NRDE2: variants seen among roughly 807,000 people sequenced by gnomAD.
NRDE2 encodes nuclear exosome regulator NRDE2.
NRDE2 carries 76 observed loss-of-function variants against 124.2 expected under a neutral mutation model. That is an observed-to-expected ratio of 0.61 (90% confidence interval 0.51 to 0.74). The LOEUF (loss-of-function observed/expected upper bound fraction) is 0.74, where lower values mean the gene tolerates loss of function less well. NRDE2 is among the 30% of genes least tolerant of loss of function. NRDE2 has a pLI of 0.00. For missense variants in NRDE2, 1,314 were observed against 1,417.3 expected (o/e 0.93, Z 1.17); for synonymous variants, 489 against 528.1 (o/e 0.93, Z 1.01).
At chr14:90,304,529 G>A in intron 4 of NRDE2, 147 bp from the exon 5 acceptor site, 1 of 597,936 alleles carries the variant, frequency 1.7e-6, no homozygotes, top group Non-Finnish European at 2.9e-6. Context: ...TCTATTTGGA[G>A]ATACACAAGG....
chr14:90,269,140 T>TA lies in NRDE2; in HGVS notation c.*9195_*9196insT, dbSNP rs1332733786. Reference sequence around the variant, plus strand: ...CTGTATAAGGCTCTGCCTCATGCCTTTAGCCCTTTCCAAAAGGCCTCATCT... The same window carrying TA: ...CTGTATAAGGCTCTGCCTCATGCCTTATAGCCCTTTCCAAAAGGCCTCATCT... On this transcript the variant is annotated 3_prime_UTR_variant, in exon 14 of 14. Transcript: ENST00000354366. The TA allele has an allele frequency of 1.7e-4, 74 of 447,402 alleles. No homozygotes were observed. In the East Asian group the frequency reaches 2.9e-3, roughly 18 times the overall value. 27.7% of individuals were successfully genotyped at this position (447,402 alleles called of 1,614,324 possible). A position where few individuals can be genotyped will look rare whatever the true frequency, so the allele number is the denominator to read the frequency against.
At chr14:90,328,562 A>G (rs1885544084) in intron 1 of NRDE2, among the ~76,000 whole-genome samples, 1 of 152,204 alleles carries the variant, frequency 6.6e-6, no homozygotes, top group African/African-American at 2.4e-5. Flanking sequence ...GGTTGCAAAC[A>G]CATGAATCCA....
At position 90,274,964 on chromosome 14, in the gene NRDE2, C is replaced by T. The variant is rs1052762413; in HGVS notation, c.*3372G>A. 3.9e-5 allele frequency: 6 copies of T among 152,108 alleles called. No homozygotes were observed. The highest frequency in any genetic ancestry group is 1.4e-4 in the African/African-American group (6 of 41,386). The allele number at this position is 152,108 out of a possible 1,614,324, so 9.4% of individuals were successfully genotyped here. On this transcript the variant is annotated 3_prime_UTR_variant, in exon 14 of 14. Coordinates refer to ENST00000354366, the MANE Select transcript of NRDE2 (RefSeq NM_017970.4). ...CACACTGGAGATGCCCAGCAGACACCGTCTTCACCAAGTGGTCAAATGCAC... is the reference window on the plus strand; with the variant it reads ...CACACTGGAGATGCCCAGCAGACACTGTCTTCACCAAGTGGTCAAATGCAC...
rs1455856098 is a variant in NRDE2 at position 90,270,484 on chromosome 14, C to A, written c.*7852G>T. On this transcript the variant is annotated 3_prime_UTR_variant, in exon 14 of 14. Coordinates refer to ENST00000354366, the MANE Select transcript of NRDE2 (RefSeq NM_017970.4). The stretch of plus-strand genomic sequence containing the variant: ...GTATTTTAATCATCATATTGGTTTA[C>A]GATTACATCCAAATGGTATATGTGC... The A allele has an allele frequency of 1.0e-6, 1 of 992,250 alleles. No individual in the cohort carries two copies. Among genetic ancestry groups the A allele is most frequent in the South Asian group, 2.0e-5 (1 of 50,950 alleles). 61.5% of individuals were successfully genotyped at this position (992,250 alleles called of 1,614,324 possible).
Position 90,302,809 on chromosome 14 carries a change from TAA to T in NRDE2, c.1320_1321del (p.Tyr441TrpfsTer11), listed in dbSNP as rs1566692374. 6.2e-7 allele frequency: 1 copy of T among 1,614,038 alleles called. No homozygotes were observed. Among genetic ancestry groups the T allele is most frequent in the Non-Finnish European group, 8.5e-7 (1 of 1,180,040 alleles). On this transcript the variant is annotated frameshift_variant, in exon 6 of 14. Transcript: ENST00000354366. LOFTEE classifies it high-confidence loss of function. ...AGACAAAGTGCTCAAGCATTTTCCA[TAA>T]AGACTGTGAATTTTTGATATCGAAA... is the stretch of plus-strand genomic sequence containing the variant.
intron 4 of NRDE2, among the ~76,000 whole-genome samples, chr14:90,307,360 C>T (rs532499357): frequency 1.3e-5 from 2 of 152,286 alleles, no homozygotes; most frequent in South Asian, 2.1e-4. Flanking sequence ...AATAATTATA[C>T]AGGACCTAGG....
intron 11 of NRDE2, 107 bp from the exon 12 acceptor site, chr14:90,286,599 C>A: frequency 7.2e-7 from 1 of 1,396,870 alleles, no homozygotes. Context: ...CCAGATCAGA[C>A]AGACTCAGGG....
intron 4 of NRDE2, among the ~76,000 whole-genome samples, chr14:90,306,669 G>A (rs1315641581): frequency 6.6e-6 from 1 of 152,126 alleles, no homozygotes; most frequent in East Asian, 1.9e-4. Flanking sequence ...AATTAGCTGG[G>A]CGTGGTGGCA....
chr14:90,274,407 CAG>C lies in NRDE2; in HGVS notation c.*3927_*3928del, dbSNP rs1365530208. 2 of 153,884 alleles carry C rather than the reference CAG, an allele frequency of 1.3e-5. No individual in the cohort carries two copies. Among genetic ancestry groups the C allele is most frequent in the Non-Finnish European group, 2.9e-5 (2 of 68,184 alleles). 9.5% of individuals were successfully genotyped at this position (153,884 alleles called of 1,614,324 possible). On this transcript the variant is annotated 3_prime_UTR_variant, in exon 14 of 14. Coordinates refer to ENST00000354366, the MANE Select transcript of NRDE2 (RefSeq NM_017970.4). Reference sequence around the variant, plus strand: ...GAGGCAGTCAGGCAGGTAAACAGGACAGTGGGAGCCAGGTTTCTCTGAGGAGT... The same window carrying C: ...GAGGCAGTCAGGCAGGTAAACAGGACTGGGAGCCAGGTTTCTCTGAGGAGT...
rs1891675395 is a variant in NRDE2 at position 90,271,879 on chromosome 14, T to C, written c.*6457A>G. 2 of 150,298 alleles carry C rather than the reference T, an allele frequency of 1.3e-5. 1 individual carries two copies. Among genetic ancestry groups the C allele is most frequent in the Admixed American group, 1.4e-4 (2 of 14,196 alleles). The allele number at this position is 150,298 out of a possible 1,614,324, so 9.3% of individuals were successfully genotyped here. A position where few individuals can be genotyped will look rare whatever the true frequency, so the allele number is the denominator to read the frequency against. On this transcript the variant is annotated 3_prime_UTR_variant, in exon 14 of 14. Transcript: ENST00000354366. ...TGTTTAGTCTAGGTGTCTCATGCTT[T>C]ATTTCAGAACAGATTTTTTTTTTTT...
intron 10 of NRDE2, among the ~76,000 whole-genome samples, chr14:90,289,870 G>A (rs1053179669): frequency 2.0e-5 from 3 of 152,242 alleles, no homozygotes; most frequent in Admixed American, 2.0e-4. Context: ...TTACAGGCGT[G>A]AGCCACCGCG....
intron 8 of NRDE2, among the ~76,000 whole-genome samples, chr14:90,294,515 G>A (rs1003562448): frequency 6.6e-6 from 1 of 152,148 alleles, no homozygotes; most frequent in African/African-American, 2.4e-5. Context: ...GCTTTAAAAA[G>A]GAAGGAAATC....
intron 8 of NRDE2, among the ~76,000 whole-genome samples, chr14:90,297,931 A>G (rs1458990327): frequency 9.4e-6 from 1 of 106,496 alleles, no homozygotes; most frequent in Non-Finnish European, 2.0e-5. Flanking sequence ...ACAGAGCGAG[A>G]TTCTGTCTCA....
At position 90,288,532 on chromosome 14, in the gene NRDE2, C is replaced by T; in HGVS notation, c.2843G>A (p.Ser948Asn). 3.7e-6 allele frequency: 6 copies of T among 1,614,198 alleles called. No homozygotes were observed. The highest frequency in any genetic ancestry group is 4.2e-6 in the Non-Finnish European group (5 of 1,180,010). The change falls in exon 11 of 14, where the codon AGT becomes AAT. Residue 948 changes from serine (S) to asparagine (N), a missense_variant. Physicochemically the swap from Ser to Asn is conservative, Grantham distance 46. Coordinates refer to ENST00000354366, the MANE Select transcript of NRDE2 (RefSeq NM_017970.4). ...VFPEGSGEGD[S>N]ASSQSWTSVL... ...ACTGGTCCAACTCTGGGAGCTGGCA[C>T]TGTCCCCCTCGCCAGAGCCTTCTGG...
intron 1 of NRDE2, among the ~76,000 whole-genome samples, chr14:90,323,507 T>C (rs1022432958): frequency 1.3e-5 from 2 of 152,206 alleles, no homozygotes; most frequent in Non-Finnish European, 2.9e-5. Flanking sequence ...TCAAAAAACA[T>C]TTCTAGGGCC....
In NRDE2 at chr14:90,268,464, G is replaced by T. The variant is rs1468909153; in HGVS notation, c.*9872C>A. 1 of 1,564,910 alleles carries T rather than the reference G, an allele frequency of 6.4e-7. No individual in the cohort carries two copies. Among genetic ancestry groups the T allele is most frequent in the African/African-American group, 1.4e-5 (1 of 73,690 alleles). On this transcript the variant is annotated 3_prime_UTR_variant, in exon 14 of 14. Transcript: ENST00000354366. ...CTTGTTTAGTAGGGAACACCGCATA[G>T]CTCTTCTCTTGAGAATGAGCAATCT...
chr14:90,330,722 A>G (rs533424822), intron 1 of NRDE2, among the ~76,000 whole-genome samples: 54 of 151,816 alleles, frequency 3.6e-4, no homozygotes, highest in African/African-American at 1.3e-3. Flanking sequence ...CTGAGGCAGG[A>G]AGTTAAGCCC....
In NRDE2 at chr14:90,274,101, G is replaced by A. The variant is rs1050580734; in HGVS notation, c.*4235C>T. ...CTACCACAGAGGACATCCACACGTG[G>A]GGGTGGCCCAGTGCAGGGTAAGGAC... On this transcript the variant is annotated 3_prime_UTR_variant, in exon 14 of 14. Transcript: ENST00000354366. 1 of 155,036 alleles carries A rather than the reference G, an allele frequency of 6.5e-6. No individual in the cohort carries two copies. Among genetic ancestry groups the A allele is most frequent in the Non-Finnish European group, 1.5e-5 (1 of 68,380 alleles). The allele number at this position is 155,036 out of a possible 1,614,324, so 9.6% of individuals were successfully genotyped here. A position where few individuals can be genotyped will look rare whatever the true frequency, so the allele number is the denominator to read the frequency against.
intron 12 of NRDE2, among the ~76,000 whole-genome samples, chr14:90,283,703 CA>C (rs1204007429): frequency 6.7e-6 from 1 of 150,318 alleles, no homozygotes; most frequent in Non-Finnish European, 1.5e-5. Flanking sequence ...TAAACTTTTG[CA>C]GGTTTTTTGT....
Sources: allele counts gnomAD v4.1 joint callset (sites outside exome capture counted in the v4.1 genomes callset), GRCh38; gene constraint gnomAD v4.1.1; transcripts MANE v1.5; gene names NCBI Gene and HGNC (gene_info 2026-07-23, HGNC 2026-07-21).